Variants in RIT2 observed in about 807,000 individuals in gnomAD.
RIT2 encodes GTP-binding protein Rit2.
A neutral mutation model predicts 23.7 loss-of-function variants in RIT2; 24 were observed. That is an observed-to-expected ratio of 1.01 (90% confidence interval 0.73 to 1.43). The LOEUF (loss-of-function observed/expected upper bound fraction) is 1.43. RIT2 is among the 40% of genes most tolerant of loss of function. The pLI is 0.00. For missense variants in RIT2, 236 were observed against 266.9 expected, an observed-to-expected ratio of 0.88 and a Z score of 0.81; for synonymous variants, 107 against 91.1, an observed-to-expected ratio of 1.17 and a Z score of -0.99.
At chr18:43,110,283 A>G in intron 1 of RIT2, among the ~76,000 whole-genome samples, 1 of 152,124 alleles carries the variant, frequency 6.6e-6, no homozygotes, top group East Asian at 1.9e-4. Flanking sequence ...AATAAAAAAA[A>G]TCAGTAAAAT....
At chr18:42,840,000 G>C (rs530955172) in intron 4 of RIT2, among the ~76,000 whole-genome samples, 10 of 152,264 alleles carry the variant, frequency 6.6e-5, no homozygotes, top group African/African-American at 2.4e-4. Context: ...CCTAATTTTT[G>C]TGTCTGTTTT....
At chr18:43,066,765 T>C (rs776326209) in intron 1 of RIT2, among the ~76,000 whole-genome samples, 3 of 151,996 alleles carry the variant, frequency 2.0e-5, no homozygotes, top group Admixed American at 6.6e-5. Context: ...GCATACAAAC[T>C]GTATTTGAGC....
intron 4 of RIT2, among the ~76,000 whole-genome samples, chr18:42,744,843 G>C (rs1187937754): frequency 6.6e-6 from 1 of 152,162 alleles, no homozygotes; most frequent in African/African-American, 2.4e-5. Flanking sequence ...CTCTAGCCAA[G>C]TATTCCAGAG....
At chr18:43,059,889 A>C (rs947621755) in intron 1 of RIT2, among the ~76,000 whole-genome samples, 3 of 152,086 alleles carry the variant, frequency 2.0e-5, no homozygotes, top group African/African-American at 7.2e-5. Flanking sequence ...CTTGATTTTA[A>C]AGGATGTCCT....
At chr18:42,935,015 T>C (rs988360406) in intron 3 of RIT2, among the ~76,000 whole-genome samples, 2 of 152,058 alleles carry the variant, frequency 1.3e-5, no homozygotes, top group Admixed American at 1.3e-4. Flanking sequence ...AATGAAGTCT[T>C]GGGAATCGTC....
chr18:42,847,230 T>C (rs1008891669), intron 4 of RIT2, among the ~76,000 whole-genome samples: 4 of 152,124 alleles, frequency 2.6e-5, no homozygotes, highest in African/African-American at 9.7e-5. Flanking sequence ...TATAAAAAGG[T>C]GTTGCCTTAG....
chr18:42,885,399 C>T (rs1044337429), intron 4 of RIT2, among the ~76,000 whole-genome samples: 1 of 152,210 alleles, frequency 6.6e-6, no homozygotes, highest in African/African-American at 2.4e-5. Context: ...TCCTGGCTAA[C>T]GCGGTGAAAC....
intron 1 of RIT2, among the ~76,000 whole-genome samples, chr18:43,043,434 G>A (rs1352812094): frequency 6.6e-6 from 1 of 151,984 alleles, no homozygotes; most frequent in Non-Finnish European, 1.5e-5. Context: ...GTTAATTTTT[G>A]AATGAATAAA....
At chr18:42,777,446 C>G (rs775371643) in intron 4 of RIT2, among the ~76,000 whole-genome samples, 1 of 151,934 alleles carries the variant, frequency 6.6e-6, no homozygotes, top group African/African-American at 2.4e-5. Context: ...GAGGAACCAA[C>G]AAAGAAGACT....
At chr18:42,909,100 A>G (rs1270713685) in intron 4 of RIT2, among the ~76,000 whole-genome samples, 2 of 152,186 alleles carry the variant, frequency 1.3e-5, no homozygotes, top group South Asian at 4.1e-4. Context: ...GAGTGGATAA[A>G]GAAGATGTTG....
chr18:42,973,688 G>A (rs1188199991), intron 3 of RIT2, among the ~76,000 whole-genome samples: 2 of 151,506 alleles, frequency 1.3e-5, no homozygotes, highest in Admixed American at 6.6e-5. Flanking sequence ...ATTCCATCAG[G>A]TTCCTTATCC....
intron 1 of RIT2, among the ~76,000 whole-genome samples, chr18:43,106,431 C>T (rs763049554): frequency 1.5e-4 from 23 of 152,282 alleles, no homozygotes; most frequent in Non-Finnish European, 3.4e-4. Flanking sequence ...TGATAAAGAA[C>T]TTCCCTCATC....
chr18:42,907,216 G>A (rs1247772080), intron 4 of RIT2, among the ~76,000 whole-genome samples: 2 of 152,126 alleles, frequency 1.3e-5, no homozygotes, highest in Admixed American at 1.3e-4. Flanking sequence ...AGTGTGAAAA[G>A]TGCATAAGGA....
At chr18:42,873,021 A>G (rs1907658927) in intron 4 of RIT2, among the ~76,000 whole-genome samples, 1 of 152,162 alleles carries the variant, frequency 6.6e-6, no homozygotes, top group South Asian at 2.1e-4. Flanking sequence ...ACACTCTGAA[A>G]GCCAAAGATG....
chr18:42,989,148 G>T (rs1910782199), intron 2 of RIT2, among the ~76,000 whole-genome samples: 1 of 152,132 alleles, frequency 6.6e-6, no homozygotes, highest in Non-Finnish European at 1.5e-5. Flanking sequence ...TCTAAGAGCT[G>T]CAGAAACGAA....
intron 2 of RIT2, among the ~76,000 whole-genome samples, chr18:43,022,630 A>G (rs1257713246): frequency 6.6e-6 from 1 of 152,060 alleles, no homozygotes; most frequent in African/African-American, 2.4e-5. Flanking sequence ...TAACCTCCTG[A>G]CATTTATTTA....
intron 4 of RIT2, among the ~76,000 whole-genome samples, chr18:42,833,727 T>A (rs1598673908): frequency 6.6e-6 from 1 of 152,304 alleles, no homozygotes. Context: ...TACATTTGTA[T>A]TTGTTGATTC....
chr18:42,993,780 A>G (rs558962775), intron 2 of RIT2, among the ~76,000 whole-genome samples: 47 of 152,116 alleles, frequency 3.1e-4, no homozygotes, highest in South Asian at 2.9e-3. Flanking sequence ...CAAGTATAAG[A>G]TACCTCTGCT....
At chr18:43,089,010 T>C (rs1278988347) in intron 1 of RIT2, among the ~76,000 whole-genome samples, 1 of 152,098 alleles carries the variant, frequency 6.6e-6, no homozygotes, top group African/African-American at 2.4e-5. Flanking sequence ...GTTGTGTGTG[T>C]ACACATGTAT....
Sources: gnomAD v4.1 joint callset for allele counts (sites outside exome capture counted in the v4.1 genomes callset) on GRCh38, gnomAD v4.1.1 for gene constraint, MANE v1.5 for transcripts, NCBI Gene and HGNC (gene_info 2026-07-23, HGNC 2026-07-21) for gene names.